The following PBX3 variants were observed in gnomAD, a reference collection of about 807,000 sequenced individuals.
The protein encoded by PBX3 is pre-B-cell leukemia transcription factor 3.
PBX3 carries 14 observed loss-of-function variants against 48.5 expected under a neutral mutation model. The observed-to-expected ratio is 0.29, with a 90% CI of 0.19 to 0.45. The LOEUF (loss-of-function observed/expected upper bound fraction) is 0.45. Among genes scored for constraint, PBX3 ranks in the 20% least tolerant of loss-of-function variants. The pLI, the probability that PBX3 is intolerant of heterozygous loss-of-function variation, is 1.00. For synonymous variants in PBX3, 210 were observed against 200.3 expected, an observed-to-expected ratio of 1.05 and a Z score of -0.41; for missense variants, 386 against 546.7, an observed-to-expected ratio of 0.71 and a Z score of 2.93.
At chr9:125,801,790 TACACACACACACAC>T (rs367989628) in intron 2 of PBX3, among the ~76,000 whole-genome samples, 1 of 146,214 alleles carries the variant, frequency 6.8e-6, no homozygotes, top group Non-Finnish European at 1.5e-5. Flanking sequence ...TGTATACACA[TACACACACACACAC>T]ACACACACAC....
intron 2 of PBX3, among the ~76,000 whole-genome samples, chr9:125,866,687 T>C (rs764536728): frequency 6.6e-6 from 1 of 152,222 alleles, no homozygotes; most frequent in African/African-American, 2.4e-5. Context: ...CGTTTCTAGC[T>C]AACAGGGCTA....
At chr9:125,766,538 G>C (rs1836804744) in intron 2 of PBX3, among the ~76,000 whole-genome samples, 2 of 152,016 alleles carry the variant, frequency 1.3e-5, no homozygotes, top group South Asian at 4.1e-4. Context: ...CAAATTGTAG[G>C]GTTGAATTAG....
chr9:125,934,584 T>G (rs150719126), intron 4 of PBX3, among the ~76,000 whole-genome samples: 111 of 152,288 alleles, frequency 7.3e-4, no homozygotes, highest in African/African-American at 2.6e-3. Context: ...GTTACCCCCT[T>G]CCCAACAAAA....
At chr9:125,936,347 T>G (rs1177355219) in intron 5 of PBX3, among the ~76,000 whole-genome samples, 1 of 152,218 alleles carries the variant, frequency 6.6e-6, no homozygotes, top group Non-Finnish European at 1.5e-5. Context: ...TACAATTTTG[T>G]ATAAATGTTC....
chr9:125,841,510 A>G (rs2132230514), intron 2 of PBX3, among the ~76,000 whole-genome samples: 1 of 152,304 alleles, frequency 6.6e-6, no homozygotes, highest in South Asian at 2.1e-4. Context: ...TTGCAACAGG[A>G]CATTTATAAC....
intron 5 of PBX3, among the ~76,000 whole-genome samples, chr9:125,941,797 T>C (rs907034866): frequency 2.0e-5 from 3 of 152,236 alleles, no homozygotes; most frequent in African/African-American, 7.2e-5. Context: ...GATATTAATT[T>C]ACTTTTTGGA....
At chr9:125,781,011 G>C (rs1837289332) in intron 2 of PBX3, among the ~76,000 whole-genome samples, 2 of 116,406 alleles carry the variant, frequency 1.7e-5, no homozygotes, top group African/African-American at 3.6e-5. Context: ...TGGCGGCCGG[G>C]CAGAGACGCT....
intron 5 of PBX3, among the ~76,000 whole-genome samples, chr9:125,943,092 C>T (rs1053697772): frequency 2.0e-5 from 3 of 152,014 alleles, no homozygotes; most frequent in African/African-American, 7.2e-5. Context: ...TCAGGCTGGG[C>T]ACAGTGGCTC....
chr9:125,922,678 G>C (rs1841481984), intron 3 of PBX3, among the ~76,000 whole-genome samples: 1 of 152,134 alleles, frequency 6.6e-6, no homozygotes, highest in Non-Finnish European at 1.5e-5. Flanking sequence ...ATATGTGGTT[G>C]GGTGGCCCTT....
intron 2 of PBX3, among the ~76,000 whole-genome samples, chr9:125,809,062 C>G (rs957164873): frequency 6.6e-6 from 1 of 152,062 alleles, no homozygotes; most frequent in African/African-American, 2.4e-5. Flanking sequence ...AGGGAAATCA[C>G]CAACAAAAAG....
intron 2 of PBX3, among the ~76,000 whole-genome samples, chr9:125,830,485 A>G (rs1358794188): frequency 2.0e-5 from 3 of 152,126 alleles, no homozygotes; most frequent in Non-Finnish European, 2.9e-5. Context: ...GTACTTATTT[A>G]TAGGTGTTTT....
intron 3 of PBX3, among the ~76,000 whole-genome samples, chr9:125,922,652 A>T (rs948467431): frequency 1.3e-5 from 2 of 152,204 alleles, no homozygotes; most frequent in Non-Finnish European, 1.5e-5. Flanking sequence ...CTATATTATA[A>T]ATAGCATCAA....
chr9:125,802,832 C>T (rs1401062242), intron 2 of PBX3, among the ~76,000 whole-genome samples: 1 of 151,908 alleles, frequency 6.6e-6, no homozygotes, highest in Non-Finnish European at 1.5e-5. Context: ...GTGCATGCCA[C>T]CACACCCGGG....
intron 2 of PBX3, among the ~76,000 whole-genome samples, chr9:125,860,881 T>A (rs1459391298): frequency 1.4e-5 from 1 of 70,420 alleles, no homozygotes; most frequent in African/African-American, 6.9e-5. Context: ...AATAAGACTC[T>A]GTCAAAAAAA....
intron 2 of PBX3, among the ~76,000 whole-genome samples, chr9:125,867,754 A>G (rs7027106): frequency 1.9e-4 from 28 of 145,512 alleles, no homozygotes; most frequent in Admixed American, 1.5e-3. Flanking sequence ...CTCTCTCTCT[A>G]TATATATATA....
intron 2 of PBX3, among the ~76,000 whole-genome samples, chr9:125,824,157 T>A (rs922583601): frequency 6.6e-6 from 1 of 152,042 alleles, no homozygotes; most frequent in Non-Finnish European, 1.5e-5. Flanking sequence ...TGTATACAAC[T>A]ACTATTATTA....
chr9:125,812,326 G>A (rs1342126516), intron 2 of PBX3, among the ~76,000 whole-genome samples: 1 of 152,132 alleles, frequency 6.6e-6, no homozygotes, highest in East Asian at 1.9e-4. Context: ...AATAAAACCA[G>A]CAGCCATGTA....
chr9:125,935,599 G>A lies in PBX3; in HGVS notation c.835G>A (p.Val279Met). 1.2e-6 allele frequency: 2 copies of A among 1,613,690 alleles called. No individual in the cohort carries two copies. The highest frequency in any genetic ancestry group is 2.2e-5 in the South Asian group (2 of 91,046). The change falls in exon 5 of 9, where the codon GTG becomes ATG. Residue 279 changes from valine to methionine, a missense_variant. Transcript: ENST00000373489. ...GCTGGCCAAGAAATGCAGCATCACAGTGTCACAGGTGAGAAAGGACCCATG... is the reference window on the plus strand; with the variant it reads ...GCTGGCCAAGAAATGCAGCATCACAATGTCACAGGTGAGAAAGGACCCATG... ...EELAKKCSIT[V>M]SQVSNWFGNK... is the part of the protein sequence containing the mutation.
chr9:125,938,488 T>A (rs947549232), intron 5 of PBX3, among the ~76,000 whole-genome samples: 2 of 151,730 alleles, frequency 1.3e-5, no homozygotes, highest in Non-Finnish European at 2.9e-5. Flanking sequence ...AAAGTAATAG[T>A]AGAGTGGAGA....
Sources: gnomAD v4.1 joint callset for allele counts (sites outside exome capture counted in the v4.1 genomes callset) on GRCh38, gnomAD v4.1.1 for gene constraint, MANE v1.5 for transcripts, NCBI Gene and HGNC (gene_info 2026-07-23, HGNC 2026-07-21) for gene names.